SDCCAG8: variants seen among roughly 807,000 people sequenced by gnomAD.
SDCCAG8 encodes the protein SHH signaling and ciliogenesis regulator SDCCAG8, also known as serologically defined colon cancer antigen 8.
Under a neutral mutation model 101.8 loss-of-function variants are expected in SDCCAG8, and 74 were observed. The observed-to-expected ratio is 0.73, with a 90% CI of 0.60 to 0.88. The LOEUF (loss-of-function observed/expected upper bound fraction) is 0.88, where lower values mean the gene tolerates loss of function less well. Ranked by LOEUF, SDCCAG8 falls within the 40% of genes least tolerant of loss-of-function variation. The pLI is 0.00. For synonymous variants in SDCCAG8, 281 were observed against 292.9 expected (o/e 0.96, Z 0.41); for missense variants, 787 against 822.6 (o/e 0.96, Z 0.53).
intron 16 of SDCCAG8, among the ~76,000 whole-genome samples, chr1:243,446,646 C>G (rs2082927354): frequency 6.6e-6 from 1 of 152,198 alleles, no homozygotes; most frequent in Non-Finnish European, 1.5e-5. Flanking sequence ...TTCTCTGTTC[C>G]TGGCTTAAGA....
At chr1:243,499,141 C>T (rs1668841921) in intron 17 of SDCCAG8, among the ~76,000 whole-genome samples, 1 of 152,198 alleles carries the variant, frequency 6.6e-6, no homozygotes, top group Admixed American at 6.5e-5. Context: ...TTGTGATTCT[C>T]CCCCAACCTG....
At chr1:243,479,646 C>A (rs1386042948) in intron 16 of SDCCAG8, among the ~76,000 whole-genome samples, 2 of 152,208 alleles carry the variant, frequency 1.3e-5, no homozygotes, top group African/African-American at 4.8e-5. Context: ...TTCTAGTTTT[C>A]TCCTCTCATT....
At chr1:243,439,622 T>TCTCACACACACA (rs541157518) in intron 16 of SDCCAG8, among the ~76,000 whole-genome samples, 231 of 120,198 alleles carry the variant, frequency 1.9e-3, no homozygotes, top group African/African-American at 6.3e-3. Flanking sequence ...TGAGACTCCA[T>TCTCACACACACA]CACACACACA....
At position 243,430,564 on chromosome 1, in the gene SDCCAG8, G is replaced by A. The variant is rs547785262; in HGVS notation, c.1985+4006G>A. ...GGTCCACGCAGTTCTCCTGCCTCCC[G>A]AGTAGCTGGGACCACAGGCGCCCAC... On this transcript the variant is annotated intron_variant, in intron 16 of 17. Transcript: ENST00000366541. 2.0e-4 allele frequency among the ~76,000 whole-genome samples: 30 copies of A among 151,976 alleles called. No individual in the cohort carries two copies. In the East Asian group the frequency reaches 5.9e-3, roughly 30 times the overall value.
At chr1:243,365,034 A>G (rs907122932) in intron 12 of SDCCAG8, among the ~76,000 whole-genome samples, 6 of 152,238 alleles carry the variant, frequency 3.9e-5, no homozygotes, top group African/African-American at 1.4e-4. Context: ...TATTACCAAT[A>G]GAAGCTTATT....
chr1:243,425,521 G>A (rs1036163383), intron 15 of SDCCAG8, among the ~76,000 whole-genome samples: 4 of 150,828 alleles, frequency 2.7e-5, no homozygotes, highest in Admixed American at 2.6e-4. Context: ...TCTTTGAAGG[G>A]AATTAATTTT....
intron 5 of SDCCAG8, among the ~76,000 whole-genome samples, chr1:243,291,795 G>A (rs1294768624): frequency 6.6e-6 from 1 of 152,144 alleles, no homozygotes; most frequent in Non-Finnish European, 1.5e-5. Flanking sequence ...CACAGTATCA[G>A]ACCCACAGGT....
At chr1:243,459,507 G>T (rs1056417784) in intron 16 of SDCCAG8, among the ~76,000 whole-genome samples, 4 of 152,034 alleles carry the variant, frequency 2.6e-5, no homozygotes, top group African/African-American at 9.7e-5. Flanking sequence ...AGAAAGGCTT[G>T]GGGGGTGGGG....
Position 243,473,142 on chromosome 1 carries a change from A to G in SDCCAG8, c.1986-15872A>G, listed in dbSNP as rs1042697526. Among the ~76,000 whole-genome samples the G allele has an allele frequency of 7.2e-5, 11 of 152,128 alleles. No individual in the cohort carries two copies. In the East Asian group the frequency reaches 1.5e-3, roughly 21 times the overall value. On this transcript the variant is annotated intron_variant, in intron 16 of 17. Transcript: ENST00000366541. ...GCATAATTTTGATTGTTATCCACCA[A>G]TTGGAAGAAATCCCTACTTTAATCT...
At position 243,316,788 on chromosome 1, in the gene SDCCAG8, C is replaced by A; in HGVS notation, c.963C>A (p.Ser321=). Residue 321 remains serine (S), a synonymous_variant, in exon 9 of 18, where the codon TCC becomes TCA. Coordinates refer to ENST00000366541, the MANE Select transcript of SDCCAG8 (RefSeq NM_006642.5). ...ATGACTTGATGTCTGCACTAGTTTC[C>A]GTAAGGAGCAGCTTGGCAGATACGC... ...ERDDLMSALV[S]VRSSLADTQQ... The A allele has an allele frequency of 1.9e-6, 3 of 1,614,080 alleles. No homozygotes were observed. The highest frequency in any genetic ancestry group is 2.2e-5 in the East Asian group (1 of 44,882).
At chr1:243,372,753 G>C (rs1476210720) in intron 12 of SDCCAG8, among the ~76,000 whole-genome samples, 1 of 151,428 alleles carries the variant, frequency 6.6e-6, no homozygotes, top group Non-Finnish European at 1.5e-5. Context: ...CCAACACTTT[G>C]AGAGGCTGAG....
chr1:243,314,617 C>T (rs1452622939), intron 8 of SDCCAG8, among the ~76,000 whole-genome samples: 1 of 152,174 alleles, frequency 6.6e-6, no homozygotes, highest in Non-Finnish European at 1.5e-5. Flanking sequence ...TAGATAAAGT[C>T]TATTAAACGT....
At chr1:243,335,883 ATGCAGTATTGGATTTTCTGTTCC>A (rs2074972359) in intron 10 of SDCCAG8, among the ~76,000 whole-genome samples, 1 of 152,218 alleles carries the variant, frequency 6.6e-6, no homozygotes, top group African/African-American at 2.4e-5. Flanking sequence ...GAGTGAGAAC[ATGCAGTATTGGATTTTCTGTTCC>A]TGCGTTAATT....
chr1:243,498,939 G>A (rs1003677922), intron 17 of SDCCAG8, among the ~76,000 whole-genome samples: 1 of 152,204 alleles, frequency 6.6e-6, no homozygotes, highest in African/African-American at 2.4e-5. Flanking sequence ...CTTTTCTCTG[G>A]ACTTCACAAT....
At chr1:243,332,030 G>A (rs2074638804) in intron 10 of SDCCAG8, among the ~76,000 whole-genome samples, 1 of 152,230 alleles carries the variant, frequency 6.6e-6, no homozygotes, top group Non-Finnish European at 1.5e-5. Flanking sequence ...AGTAAGAGAT[G>A]TTGAAAATGA....
At chr1:243,484,357 G>C (rs1323745489) in intron 16 of SDCCAG8, among the ~76,000 whole-genome samples, 1 of 152,236 alleles carries the variant, frequency 6.6e-6, no homozygotes, top group African/African-American at 2.4e-5. Flanking sequence ...GGCCAGAAAA[G>C]CACCCACTCA....
intron 16 of SDCCAG8, among the ~76,000 whole-genome samples, chr1:243,455,015 G>T (rs11799609): frequency 0.14 from 21,205 of 152,042 alleles, 1,579 homozygotes; most frequent in African/African-American, 0.16. Flanking sequence ...ATAACCAAAA[G>T]CAATATTAAT....
chr1:243,354,246 T>A (rs2076261716), intron 12 of SDCCAG8, among the ~76,000 whole-genome samples: 1 of 152,222 alleles, frequency 6.6e-6, no homozygotes, highest in Non-Finnish European at 1.5e-5. Context: ...CCCCTCTTAA[T>A]TGTGAATTAA....
chr1:243,367,943 G>C (rs1444077027), intron 12 of SDCCAG8, among the ~76,000 whole-genome samples: 1 of 151,940 alleles, frequency 6.6e-6, no homozygotes, highest in Non-Finnish European at 1.5e-5. Flanking sequence ...GCTAGACACA[G>C]TGGCTCATGC....
Sources: allele counts gnomAD v4.1 joint callset (sites outside exome capture counted in the v4.1 genomes callset), GRCh38; gene constraint gnomAD v4.1.1; transcripts MANE v1.5; gene names NCBI Gene and HGNC (gene_info 2026-07-23, HGNC 2026-07-21).